PPM1L: variants seen among roughly 807,000 people sequenced by gnomAD.
The protein encoded by PPM1L is protein phosphatase, Mg2+/Mn2+ dependent 1L.
Under a neutral mutation model 31.4 loss-of-function variants are expected in PPM1L, and 13 were observed. The ratio of observed to expected loss-of-function variants is 0.41; its 90% CI spans 0.27 to 0.66. PPM1L has a LOEUF of 0.66. PPM1L is among the 30% of genes least tolerant of loss of function. The pLI, the probability that PPM1L is intolerant of heterozygous loss-of-function variation, is 0.29. For missense variants in PPM1L, 326 were observed against 453.7 expected, an observed-to-expected ratio of 0.72 and a Z score of 2.56; for synonymous variants, 184 against 175.4, an observed-to-expected ratio of 1.05 and a Z score of -0.39.
intron 2 of PPM1L, among the ~76,000 whole-genome samples, chr3:160,981,003 A>G (rs1254258258): frequency 6.6e-6 from 1 of 152,174 alleles, no homozygotes; most frequent in Non-Finnish European, 1.5e-5. Flanking sequence ...TACTTGGCAC[A>G]AATTAACTTC....
intron 1 of PPM1L, among the ~76,000 whole-genome samples, chr3:160,952,307 A>T (rs1223906135): frequency 6.6e-6 from 1 of 152,166 alleles, no homozygotes; most frequent in Non-Finnish European, 1.5e-5. Context: ...AAACTAAGTA[A>T]ATTAACGTGT....
At chr3:160,843,427 T>TATATATATATAC (rs1713961705) in intron 1 of PPM1L, among the ~76,000 whole-genome samples, 1 of 7,378 alleles carries the variant, frequency 1.4e-4, no homozygotes, top group Non-Finnish European at 2.8e-4. Context: ...GCAATTCTTT[T>TATATATATATAC]ATATATATAT....
intron 1 of PPM1L, among the ~76,000 whole-genome samples, chr3:160,864,136 G>C (rs1301813583): frequency 1.3e-5 from 2 of 151,982 alleles, no homozygotes; most frequent in African/African-American, 4.8e-5. Flanking sequence ...GTCCCAAAAA[G>C]GTCTTAGAAC....
chr3:161,039,860 C>A (rs1019060837), intron 2 of PPM1L, among the ~76,000 whole-genome samples: 2 of 152,090 alleles, frequency 1.3e-5, no homozygotes, highest in Non-Finnish European at 2.9e-5. Context: ...TTCCGTGTGG[C>A]AAATTTAGAT....
At chr3:160,929,916 G>T (rs1348938467) in intron 1 of PPM1L, among the ~76,000 whole-genome samples, 4 of 152,184 alleles carry the variant, frequency 2.6e-5, no homozygotes, top group African/African-American at 9.7e-5. Context: ...CCAGGCAGGA[G>T]TCACACACAT....
At chr3:160,964,314 ATATTTTG>A (rs77094903) in intron 2 of PPM1L, among the ~76,000 whole-genome samples, 55,031 of 151,552 alleles carry the variant, frequency 0.36, 12,700 homozygotes, top group Non-Finnish European at 0.52. Flanking sequence ...CAATCAACAC[ATATTTTG>A]TATGTTATGT....
intron 1 of PPM1L, among the ~76,000 whole-genome samples, chr3:160,827,447 T>TTGTGTGTGTG (rs59524935): frequency 0.019 from 2,704 of 141,382 alleles, 42 homozygotes; most frequent in Admixed American, 0.04. Flanking sequence ...TGATATAAGT[T>TTGTGTGTGTG]TGTGTGTGTG....
intron 1 of PPM1L, among the ~76,000 whole-genome samples, chr3:160,888,398 G>A (rs972269224): frequency 1.3e-5 from 2 of 152,092 alleles, no homozygotes; most frequent in African/African-American, 2.4e-5. Flanking sequence ...CTGACAAAAC[G>A]GACTTTAAAC....
chr3:161,022,062 T>C (rs1267384529), intron 2 of PPM1L: 2 of 561,546 alleles, frequency 3.6e-6, no homozygotes, highest in African/African-American at 3.9e-5. Flanking sequence ...ATATGTCTTA[T>C]GTATTTTGTT....
intron 2 of PPM1L, among the ~76,000 whole-genome samples, chr3:161,000,490 A>G (rs541409770): frequency 6.6e-6 from 1 of 152,344 alleles, no homozygotes; most frequent in African/African-American, 2.4e-5. Flanking sequence ...TAAAAATACA[A>G]ACAAAACACA....
chr3:160,761,312 C>T (rs571960777), intron 1 of PPM1L, among the ~76,000 whole-genome samples: 2 of 152,218 alleles, frequency 1.3e-5, no homozygotes, highest in East Asian at 1.9e-4. Flanking sequence ...CCATCATTTG[C>T]TTTTATTGAA....
rs147771373 is a variant in PPM1L, at chr3:160,778,775, A to G, written c.399+22068A>G. Among the ~76,000 whole-genome samples, 930 of 152,294 alleles carry G rather than the reference A, an allele frequency of 6.1e-3. 9 individuals carry two copies. The highest frequency in any genetic ancestry group is 0.022 in the African/African-American group (902 of 41,560). On this transcript the variant is annotated intron_variant, in intron 1 of 3. Coordinates refer to ENST00000498165, the MANE Select transcript of PPM1L (RefSeq NM_139245.4). ...GGCCAGAGATGCTACTAAGTATCCT[A>G]CAGAACACAGGACAGCCCTGTGCAA... is the stretch of plus-strand genomic sequence containing the variant.
chr3:161,014,967 C>T (rs1023947647), intron 2 of PPM1L, among the ~76,000 whole-genome samples: 2 of 151,900 alleles, frequency 1.3e-5, no homozygotes, highest in Non-Finnish European at 2.9e-5. Flanking sequence ...GCAACCACTT[C>T]CATTTATTGG....
chr3:160,841,805 C>G (rs1713889225), intron 1 of PPM1L, among the ~76,000 whole-genome samples: 1 of 152,106 alleles, frequency 6.6e-6, no homozygotes, highest in South Asian at 2.1e-4. Flanking sequence ...ACTAAAGATA[C>G]TTTTGTCTTA....
At chr3:160,874,172 T>A (rs547919112) in intron 1 of PPM1L, among the ~76,000 whole-genome samples, 32 of 152,112 alleles carry the variant, frequency 2.1e-4, no homozygotes, top group Non-Finnish European at 4.3e-4. Context: ...GTGAATTAGG[T>A]TCAGCCAATC....
At chr3:161,005,396 TATGATCTCATA>T (rs1041138969) in intron 2 of PPM1L, among the ~76,000 whole-genome samples, 10 of 152,350 alleles carry the variant, frequency 6.6e-5, no homozygotes, top group African/African-American at 2.4e-4. Flanking sequence ...TGCAATTAAC[TATGATCTCATA>T]AAAAAGTGAT....
intron 2 of PPM1L, among the ~76,000 whole-genome samples, chr3:161,036,665 C>T (rs1175970903): frequency 6.6e-6 from 1 of 152,182 alleles, no homozygotes; most frequent in Non-Finnish European, 1.5e-5. Context: ...CATATTCCTT[C>T]ATGTTTATCT....
Position 161,072,335 on chromosome 3 carries a change from C to G in PPM1L, c.*3178C>G, listed in dbSNP as rs1051519416. On this transcript the variant is annotated 3_prime_UTR_variant, in exon 4 of 4. Coordinates refer to ENST00000498165, the MANE Select transcript of PPM1L (RefSeq NM_139245.4). The stretch of plus-strand genomic sequence containing the variant: ...TGTACATAGTACTGGTAACCAGTGG[C>G]TGCATTTTATTCCTTGCTGTGGACT... The G allele has an allele frequency of 6.6e-5, 10 of 152,192 alleles. No homozygotes were observed. Among genetic ancestry groups the G allele is most frequent in the Non-Finnish European group, 1.0e-4 (7 of 68,054 alleles). 9.4% of individuals were successfully genotyped at this position (152,192 alleles called of 1,614,324 possible).
At position 161,076,221 on chromosome 3, in the gene PPM1L, G is replaced by A. The variant is rs1380278106; in HGVS notation, c.*7064G>A. 1 of 152,148 alleles carries A rather than the reference G, an allele frequency of 6.6e-6. No individual in the cohort carries two copies. The highest frequency in any genetic ancestry group is 1.5e-5 in the Non-Finnish European group (1 of 68,012). The allele number at this position is 152,148 out of a possible 1,614,324, so 9.4% of individuals were successfully genotyped here. A position where few individuals can be genotyped will look rare whatever the true frequency, so the allele number is the denominator to read the frequency against. On this transcript the variant is annotated 3_prime_UTR_variant, in exon 4 of 4. Coordinates refer to ENST00000498165, the MANE Select transcript of PPM1L (RefSeq NM_139245.4). ...CTAACCCAAGAAAAAGATGTCTTTT[G>A]TATAACTTTTAAATTCCCATTTGTC...
Sources: allele counts gnomAD v4.1 joint callset (sites outside exome capture counted in the v4.1 genomes callset), GRCh38; gene constraint gnomAD v4.1.1; transcripts MANE v1.5; gene names NCBI Gene and HGNC (gene_info 2026-07-23, HGNC 2026-07-21).